Variants in CCDC167 observed in about 807,000 individuals in gnomAD.
CCDC167 encodes the protein coiled-coil domain containing 167.
In CCDC167, 15 loss-of-function variants were observed where a neutral mutation model predicts 12.7. The observed-to-expected ratio is 1.18, with a 90% CI of 0.79 to 1.81. The LOEUF is 1.81. Ranked by LOEUF, CCDC167 falls within the 40% of genes most tolerant of loss-of-function variation. The pLI, the probability that CCDC167 is intolerant of heterozygous loss-of-function variation, is 0.00. For synonymous variants in CCDC167, 52 were observed against 49.0 expected, an observed-to-expected ratio of 1.06 and a Z score of -0.26; for missense variants, 121 against 120.1, an observed-to-expected ratio of 1.01 and a Z score of -0.03.
At chr6:37,499,701 C>G in intron 1 of CCDC167, 121 bp downstream of exon 1, 1 of 1,130,486 alleles carries the variant, frequency 8.8e-7, no homozygotes, top group Non-Finnish European at 1.3e-6. Context: ...TCTCCCCAAA[C>G]CGCGTCGCCC....
chr6:37,495,077 G>A (rs1202461880), intron 1 of CCDC167, among the ~76,000 whole-genome samples: 2 of 152,190 alleles, frequency 1.3e-5, no homozygotes, highest in East Asian at 3.8e-4. Flanking sequence ...TGGGATTACA[G>A]GCGTGAGCCA....
At chr6:37,486,600 AG>A (rs1761945910) in intron 1 of CCDC167, among the ~76,000 whole-genome samples, 2 of 152,162 alleles carry the variant, frequency 1.3e-5, no homozygotes. Context: ...GGCCACCTCC[AG>A]CCCCATAAGC....
chr6:37,490,171 C>T (rs1761999124), intron 1 of CCDC167, among the ~76,000 whole-genome samples: 1 of 152,210 alleles, frequency 6.6e-6, no homozygotes, highest in Non-Finnish European at 1.5e-5. Context: ...TTCCTGGCAT[C>T]TGGCCCAGCC....
chr6:37,484,703 A>G (rs1016674833), intron 3 of CCDC167, 107 bp downstream of exon 3: 8 of 1,323,864 alleles, frequency 6.0e-6, no homozygotes, highest in African/African-American at 5.8e-5. Flanking sequence ...TTCCCTCCCA[A>G]AGAACCCCCT....
At position 37,487,067 on chromosome 6, in the gene CCDC167, C is replaced by T. The variant is rs1561797870; in HGVS notation, c.43-1873G>A. ...CACCCTCCTTCTCCTGGGAAATTAA[C>T]CAGTCCTTCCTTCATGAGGCTGAGT... On this transcript the variant is annotated intron_variant, in intron 1 of 3. Coordinates refer to ENST00000373408, the MANE Select transcript of CCDC167 (RefSeq NM_138493.3). Among the ~76,000 whole-genome samples, 3 of 152,314 alleles carry T rather than the reference C, an allele frequency of 2.0e-5. No individual in the cohort carries two copies. In the East Asian group the frequency reaches 5.8e-4, roughly 29 times the overall value.
At chr6:37,492,158 A>G (rs1762030443) in intron 1 of CCDC167, among the ~76,000 whole-genome samples, 1 of 152,214 alleles carries the variant, frequency 6.6e-6, no homozygotes, top group Admixed American at 6.5e-5. Context: ...GAAGGGGCAG[A>G]ATTGAAGCCT....
At position 37,484,728 on chromosome 6, in the gene CCDC167, T is replaced by C; in HGVS notation, c.190+82A>G. The C allele has an allele frequency of 4.6e-6, 7 of 1,536,808 alleles. No individual in the cohort carries two copies. In the South Asian group the frequency reaches 7.8e-5, roughly 17 times the overall value. On this transcript the variant is annotated intron_variant, in intron 3 of 3. Coordinates refer to ENST00000373408, the MANE Select transcript of CCDC167 (RefSeq NM_138493.3). ...AAGAACCCCCTTGCTCCCTGCTGCC[T>C]TGTCAGGCCCCTTGGGCTTCTGACC...
chr6:37,484,094 A>C (rs1352808543), intron 3 of CCDC167, among the ~76,000 whole-genome samples: 2 of 152,218 alleles, frequency 1.3e-5, no homozygotes, highest in African/African-American at 4.8e-5. Flanking sequence ...ACCGGCCCAG[A>C]CATGCTGAAC....
chr6:37,490,950 C>A (rs1254731967), intron 1 of CCDC167, among the ~76,000 whole-genome samples: 2 of 152,198 alleles, frequency 1.3e-5, no homozygotes, highest in African/African-American at 4.8e-5. Flanking sequence ...GGGAATATCA[C>A]CTTATTCTGG....
chr6:37,497,844 G>C (rs181403817), intron 1 of CCDC167, among the ~76,000 whole-genome samples: 33 of 152,200 alleles, frequency 2.2e-4, no homozygotes, highest in Non-Finnish European at 4.0e-4. Flanking sequence ...GCGAGAGTGA[G>C]ATTCTGTCTC....
chr6:37,490,539 A>G (rs911580381), intron 1 of CCDC167, among the ~76,000 whole-genome samples: 4 of 152,118 alleles, frequency 2.6e-5, no homozygotes, highest in Admixed American at 2.0e-4. Context: ...ATTACTGAGA[A>G]CTGCTGCTTC....
At chr6:37,491,716 A>G (rs1386539995) in intron 1 of CCDC167, among the ~76,000 whole-genome samples, 2 of 152,244 alleles carry the variant, frequency 1.3e-5, no homozygotes, top group East Asian at 3.8e-4. Context: ...CACAACAGTG[A>G]CAGCAGCAGC....
intron 3 of CCDC167, 25 bp from the exon 4 acceptor site, chr6:37,483,314 A>G: frequency 1.3e-6 from 2 of 1,546,144 alleles, no homozygotes; most frequent in Non-Finnish European, 1.8e-6. Context: ...GGTGATAGGG[A>G]TAGGACAGGC....
At chr6:37,498,424 T>C (rs1319639751) in intron 1 of CCDC167, among the ~76,000 whole-genome samples, 1 of 152,086 alleles carries the variant, frequency 6.6e-6, no homozygotes, top group Non-Finnish European at 1.5e-5. Context: ...CTCTTCACAT[T>C]TCCATCAACC....
At chr6:37,493,884 G>A (rs1762062782) in intron 1 of CCDC167, among the ~76,000 whole-genome samples, 1 of 152,198 alleles carries the variant, frequency 6.6e-6, no homozygotes, top group African/African-American at 2.4e-5. Flanking sequence ...CTGCTCCAGA[G>A]CGGAGACCGT....
chr6:37,499,464 TA>T (rs1195944607), intron 1 of CCDC167, among the ~76,000 whole-genome samples: 12 of 152,182 alleles, frequency 7.9e-5, no homozygotes, highest in Admixed American at 7.9e-4. Context: ...TACAGGTCCC[TA>T]TTTCTCTGGG....
At chr6:37,486,309 T>C (rs1761942048) in intron 1 of CCDC167, among the ~76,000 whole-genome samples, 1 of 152,214 alleles carries the variant, frequency 6.6e-6, no homozygotes, top group Admixed American at 6.5e-5. Context: ...CTTATCAGTC[T>C]CAGCCAGTTC....
chr6:37,487,971 T>G (rs1761969231), intron 1 of CCDC167, among the ~76,000 whole-genome samples: 1 of 152,234 alleles, frequency 6.6e-6, no homozygotes, highest in Admixed American at 6.5e-5. Flanking sequence ...GCTGATTCCC[T>G]TCTAAATAGC....
chr6:37,496,839 T>C (rs1405885963), intron 1 of CCDC167, among the ~76,000 whole-genome samples: 4 of 152,206 alleles, frequency 2.6e-5, no homozygotes. Flanking sequence ...GGTGAACGCA[T>C]TTCCCTGATC....
Sources: allele counts gnomAD v4.1 joint callset (sites outside exome capture counted in the v4.1 genomes callset), GRCh38; gene constraint gnomAD v4.1.1; transcripts MANE v1.5; gene names NCBI Gene and HGNC (gene_info 2026-07-23, HGNC 2026-07-21).